Variants in OSBP2 observed in about 807,000 individuals in gnomAD.
The protein encoded by OSBP2 is oxysterol binding protein 2.
OSBP2 carries 66 observed loss-of-function variants against 96.0 expected under a neutral mutation model. That is an observed-to-expected ratio of 0.69 (90% CI 0.56 to 0.84). OSBP2 has a LOEUF of 0.84. Among genes scored for constraint, OSBP2 ranks in the 40% least tolerant of loss-of-function variants. The pLI is 0.00. For missense variants in OSBP2, 1,038 were observed against 1,222.7 expected, an observed-to-expected ratio of 0.85 and a Z score of 2.25; for synonymous variants, 525 against 520.9, an observed-to-expected ratio of 1.01 and a Z score of -0.11.
rs999916742 is a variant in OSBP2 at position 30,870,039 on chromosome 22, C to T, written c.854-390C>T. 9.9e-5 allele frequency among the ~76,000 whole-genome samples: 15 copies of T among 152,196 alleles called. 1 individual carries two copies. Among genetic ancestry groups the T allele is most frequent in the Admixed American group, 9.2e-4 (14 of 15,292 alleles). On this transcript the variant is annotated intron_variant, in intron 2 of 13. Transcript: ENST00000332585. The surrounding 1 kb of genome is among the most constrained non-coding windows in gnomAD (Gnocchi z 4.1). ...AGCCCAGGCTCCATTCTGGGGGCCT[C>T]TGTGCCCAGAGAGCAGTCTCCACCT...
chr22:30,775,093 C>G (rs1035956441), intron 2 of OSBP2, among the ~76,000 whole-genome samples: 2 of 152,068 alleles, frequency 1.3e-5, no homozygotes, highest in African/African-American at 4.8e-5. Flanking sequence ...CCATTAAAGG[C>G]ATTTAGTACA....
At chr22:30,775,664 C>A (rs1485187180) in intron 2 of OSBP2, among the ~76,000 whole-genome samples, 2 of 152,098 alleles carry the variant, frequency 1.3e-5, no homozygotes, top group East Asian at 3.8e-4. Flanking sequence ...GACCACGATC[C>A]TACCTGAAAT....
chr22:30,902,483 G>A (rs1169012403), intron 12 of OSBP2: 2 of 1,580,698 alleles, frequency 1.3e-6, no homozygotes, highest in Non-Finnish European at 1.7e-6. Context: ...TTTGGATTCA[G>A]AAAAGGTGTA....
At chr22:30,842,124 T>C (rs1321468604) in intron 2 of OSBP2, among the ~76,000 whole-genome samples, 1 of 152,136 alleles carries the variant, frequency 6.6e-6, no homozygotes, top group East Asian at 1.9e-4. Flanking sequence ...CTTTTGTATT[T>C]TTTGTAGACA....
Position 30,750,710 on chromosome 22 carries a change from A to C in OSBP2, c.853+9341A>C, listed in dbSNP as rs542676356. Among the ~76,000 whole-genome samples the C allele has an allele frequency of 6.6e-5, 10 of 152,248 alleles. No homozygotes were observed. In the East Asian group the frequency reaches 1.3e-3, roughly 21 times the overall value. On this transcript the variant is annotated intron_variant, in intron 2 of 13. Transcript: ENST00000332585. The stretch of plus-strand genomic sequence containing the variant: ...TCTCCACAACCTCTTATCCCAACCC[A>C]GGTATTCCTTTCTAGTGATAACTCT...
intron 1 of OSBP2, among the ~76,000 whole-genome samples, chr22:30,701,134 C>T (rs1569087714): frequency 6.6e-6 from 1 of 151,080 alleles, no homozygotes. Context: ...AGGAAGACCA[C>T]TGAACACTTG....
At chr22:30,798,421 AATTTTCACGAAGTCC>A (rs1257410579) in intron 2 of OSBP2, among the ~76,000 whole-genome samples, 1 of 152,168 alleles carries the variant, frequency 6.6e-6, no homozygotes, top group African/African-American at 2.4e-5. Flanking sequence ...TAAATTTTTT[AATTTTCACGAAGTCC>A]ATTTTGTCTA....
Position 30,893,826 on chromosome 22 carries a change from G to A in OSBP2, c.2200G>A (p.Val734Met), listed in dbSNP as rs1247969067. The A allele has an allele frequency of 2.5e-6, 4 of 1,594,368 alleles. No individual in the cohort carries two copies. The highest frequency in any genetic ancestry group is 1.1e-5 in the South Asian group (1 of 88,970). ...CTGCCAATGTCCACAGGTGACAGGA[G>A]TGGTGAGTGACAGCCAGGGCAAGGC... ...SKEAARKVTG[V>M]VSDSQGKAHY... Residue 734 changes from valine to methionine, a missense_variant, in exon 12 of 14, where the codon GTG becomes ATG. Val to Met is a conservative substitution (Grantham distance 21). Coordinates refer to ENST00000332585, the MANE Select transcript of OSBP2 (RefSeq NM_030758.4).
At chr22:30,841,067 A>C (rs1487445357) in intron 2 of OSBP2, among the ~76,000 whole-genome samples, 2 of 152,096 alleles carry the variant, frequency 1.3e-5, no homozygotes, top group African/African-American at 4.8e-5. Flanking sequence ...TGGGGGTCTG[A>C]GGAATGAGAA....
intron 1 of OSBP2, among the ~76,000 whole-genome samples, chr22:30,734,427 G>C (rs1053774445): frequency 6.6e-6 from 1 of 152,206 alleles, no homozygotes; most frequent in African/African-American, 2.4e-5. Context: ...TACCACTGCA[G>C]CTTGCAGGGC....
intron 2 of OSBP2, among the ~76,000 whole-genome samples, chr22:30,755,810 C>A (rs2145763240): frequency 6.6e-6 from 1 of 152,332 alleles, no homozygotes; most frequent in African/African-American, 2.4e-5. Flanking sequence ...GCGTTCCCCT[C>A]CCTGTGCCAC....
At chr22:30,868,650 G>A (rs774004432) in intron 2 of OSBP2, among the ~76,000 whole-genome samples, 2 of 152,196 alleles carry the variant, frequency 1.3e-5, no homozygotes, top group Non-Finnish European at 2.9e-5. Context: ...ATTGTCATTT[G>A]GGGGCTGCAG....
At chr22:30,828,607 C>T (rs917810807) in intron 2 of OSBP2, among the ~76,000 whole-genome samples, 3 of 152,268 alleles carry the variant, frequency 2.0e-5, no homozygotes, top group East Asian at 3.9e-4. Context: ...GCAGAGGGCC[C>T]GACGTGGGCA....
intron 2 of OSBP2, among the ~76,000 whole-genome samples, chr22:30,843,758 C>T (rs2038807636): frequency 6.6e-6 from 1 of 152,042 alleles, no homozygotes; most frequent in African/African-American, 2.4e-5. Flanking sequence ...GTCCCAGCTA[C>T]TTGGAAGGCT....
At chr22:30,782,590 G>A (rs867984997) in intron 2 of OSBP2, among the ~76,000 whole-genome samples, 4 of 152,158 alleles carry the variant, frequency 2.6e-5, no homozygotes, top group Middle Eastern at 3.2e-3. Context: ...GTTGTTGCCT[G>A]CGTCACTAGT....
chr22:30,719,110 G>T (rs926042009), intron 1 of OSBP2, among the ~76,000 whole-genome samples: 1 of 151,978 alleles, frequency 6.6e-6, no homozygotes, highest in Non-Finnish European at 1.5e-5. Context: ...GCTGATTCCC[G>T]CTGTGCCTTC....
At chr22:30,772,098 C>T (rs2090353958) in intron 2 of OSBP2, among the ~76,000 whole-genome samples, 1 of 152,220 alleles carries the variant, frequency 6.6e-6, no homozygotes, top group Non-Finnish European at 1.5e-5. Flanking sequence ...GCCCCTGCGG[C>T]AGGCTCTGCT....
chr22:30,736,165 C>G (rs1370294432), intron 1 of OSBP2, among the ~76,000 whole-genome samples: 2 of 152,174 alleles, frequency 1.3e-5, no homozygotes, highest in African/African-American at 4.8e-5. Flanking sequence ...CCACCCACTT[C>G]GGCCTCCCAA....
chr22:30,817,861 AC>A (rs1308544673), intron 2 of OSBP2, among the ~76,000 whole-genome samples: 1 of 152,100 alleles, frequency 6.6e-6, no homozygotes. Context: ...AGCTCAGGGC[AC>A]TCAGGAAGCT....
Sources: allele counts gnomAD v4.1 joint callset (sites outside exome capture counted in the v4.1 genomes callset), GRCh38; gene constraint gnomAD v4.1.1; non-coding constraint Gnocchi (gnomAD v3.1); transcripts MANE v1.5; gene names NCBI Gene and HGNC (gene_info 2026-07-23, HGNC 2026-07-21).